The following VSNL1 variants were observed in gnomAD, a reference collection of about 807,000 sequenced individuals.
VSNL1 encodes the protein visinin like 1.
VSNL1 carries 6 observed loss-of-function variants against 20.4 expected under a neutral mutation model. The observed-to-expected ratio is 0.29, with a 90% CI of 0.16 to 0.58. The LOEUF (loss-of-function observed/expected upper bound fraction) is 0.58. Among genes scored for constraint, VSNL1 ranks in the 20% least tolerant of loss-of-function variants. The pLI, the probability that VSNL1 is intolerant of heterozygous loss-of-function variation, is 0.90. For missense variants in VSNL1, 100 were observed against 234.5 expected, an observed-to-expected ratio of 0.43 and a Z score of 3.75; for synonymous variants, 93 against 86.4, an observed-to-expected ratio of 1.08 and a Z score of -0.42.
intron 1 of VSNL1, among the ~76,000 whole-genome samples, chr2:17,587,095 A>G (rs3107288): frequency 0.92 from 139,403 of 152,192 alleles, 64,745 homozygotes; most frequent in East Asian, 1. Flanking sequence ...CTTTGCTCTC[A>G]GCCCTATTTC....
At chr2:17,551,916 A>T (rs1466514168) in intron 1 of VSNL1, among the ~76,000 whole-genome samples, 1 of 149,586 alleles carries the variant, frequency 6.7e-6, no homozygotes, top group Non-Finnish European at 1.5e-5. Context: ...AAAAAAAAAA[A>T]GCCCAGGCGT....
chr2:17,580,949 CA>C (rs1332419730), intron 1 of VSNL1, among the ~76,000 whole-genome samples: 6 of 152,222 alleles, frequency 3.9e-5, no homozygotes, highest in African/African-American at 1.4e-4. Flanking sequence ...ATTATACCAC[CA>C]GCAGTTATAA....
intron 1 of VSNL1, among the ~76,000 whole-genome samples, chr2:17,549,264 G>C (rs767063570): frequency 1.4e-4 from 21 of 152,316 alleles, no homozygotes; most frequent in Non-Finnish European, 2.2e-4. Flanking sequence ...ATCAGGTTTA[G>C]CCTATCAGAA....
chr2:17,570,273 A>G (rs2103355509), intron 1 of VSNL1, among the ~76,000 whole-genome samples: 1 of 152,352 alleles, frequency 6.6e-6, no homozygotes, highest in African/African-American at 2.4e-5. Flanking sequence ...GTAGGGTAGA[A>G]TAAAGATTAA....
intron 2 of VSNL1, among the ~76,000 whole-genome samples, chr2:17,592,989 A>G (rs562535933): frequency 6.6e-6 from 1 of 152,310 alleles, no homozygotes; most frequent in South Asian, 2.1e-4. Flanking sequence ...TACACAAGTG[A>G]AAGAAATACA....
At chr2:17,642,309 C>CTTTTTTTTTTCTTTTTTTTTTTT (rs1665898137) in intron 2 of VSNL1, among the ~76,000 whole-genome samples, 1 of 93,194 alleles carries the variant, frequency 1.1e-5, no homozygotes, top group African/African-American at 3.8e-5. Flanking sequence ...GTGAGCATTC[C>CTTTTTTTTTTCTTTTTTTTTTTT]TTTTTTTTTT....
chr2:17,545,255 CG>C (rs746633850), intron 1 of VSNL1, among the ~76,000 whole-genome samples: 6 of 151,686 alleles, frequency 4.0e-5, no homozygotes, highest in Non-Finnish European at 5.9e-5. Context: ...TTGTTAGTAA[CG>C]AAAAAAACTA....
intron 2 of VSNL1, among the ~76,000 whole-genome samples, chr2:17,613,355 A>G (rs923844243): frequency 6.6e-6 from 1 of 152,232 alleles, no homozygotes; most frequent in African/African-American, 2.4e-5. Flanking sequence ...AAGTACAGTG[A>G]AATTCCTGGA....
chr2:17,618,304 C>T (rs1191106714), intron 2 of VSNL1, among the ~76,000 whole-genome samples: 1 of 152,180 alleles, frequency 6.6e-6, no homozygotes, highest in South Asian at 2.1e-4. Context: ...AGAATCCATT[C>T]CCTTACCTTT....
intron 2 of VSNL1, among the ~76,000 whole-genome samples, chr2:17,611,112 T>C (rs1665073832): frequency 6.6e-6 from 1 of 152,208 alleles, no homozygotes. Flanking sequence ...CAGCAAATGC[T>C]TATGTAGCAT....
intron 2 of VSNL1, among the ~76,000 whole-genome samples, chr2:17,619,292 C>A (rs1665291300): frequency 6.6e-6 from 1 of 152,188 alleles, no homozygotes; most frequent in Admixed American, 6.5e-5. Context: ...AAGTTACCCA[C>A]ATGGTGGAGG....
Position 17,642,309 on chromosome 2 carries a change from C to CTTTTTTTTTTTTTTT in VSNL1, c.163-7098_163-7084dup, listed in dbSNP as rs577471307. On this transcript the variant is annotated intron_variant, in intron 2 of 3. Transcript: ENST00000295156. ...CTGGCTTTTCCCATGGTGAGCATTC[C>CTTTTTTTTTTTTTTT]TTTTTTTTTTTTTTTTTGAGACAGA... 9.8e-4 allele frequency among the ~76,000 whole-genome samples: 91 copies of CTTTTTTTTTTTTTTT among 93,220 alleles called. 11 individuals carry two copies. The highest frequency in any genetic ancestry group is 1.6e-3 in the Non-Finnish European group (70 of 44,236). 61.2% of individuals were successfully genotyped at this position (93,220 alleles called of 152,430 possible).
At chr2:17,542,916 A>C (rs1312403465) in intron 1 of VSNL1, among the ~76,000 whole-genome samples, 2 of 152,224 alleles carry the variant, frequency 1.3e-5, no homozygotes, top group East Asian at 3.8e-4. Context: ...AGAACCATGG[A>C]TGTAGAGAAA....
At chr2:17,567,171 A>T (rs907269855) in intron 1 of VSNL1, among the ~76,000 whole-genome samples, 22 of 152,158 alleles carry the variant, frequency 1.4e-4, no homozygotes, top group African/African-American at 5.1e-4. Flanking sequence ...TATACTAATG[A>T]TAACAGAACT....
intron 2 of VSNL1, among the ~76,000 whole-genome samples, chr2:17,639,779 T>A (rs953913793): frequency 1.3e-5 from 2 of 152,336 alleles, no homozygotes; most frequent in Admixed American, 6.5e-5. Context: ...ACAGCTTTGC[T>A]ACCAGGGTCA....
At chr2:17,608,433 C>T (rs565871874) in intron 2 of VSNL1, among the ~76,000 whole-genome samples, 52 of 152,298 alleles carry the variant, frequency 3.4e-4, no homozygotes, top group Middle Eastern at 6.8e-3. Flanking sequence ...AGCTGGTGCC[C>T]GGAGACATCT....
chr2:17,599,002 G>A (rs1215791738), intron 2 of VSNL1, among the ~76,000 whole-genome samples: 1 of 152,200 alleles, frequency 6.6e-6, no homozygotes, highest in East Asian at 1.9e-4. Context: ...AATGCAGAGG[G>A]AGTCTCCAGT....
chr2:17,592,315 TTA>T, intron 2 of VSNL1, 79 bp downstream of exon 2: 1 of 1,457,764 alleles, frequency 6.9e-7, no homozygotes, highest in South Asian at 1.2e-5. Flanking sequence ...TCACATGGAA[TTA>T]TAACTCTAAG....
At chr2:17,624,711 C>T (rs1204832284) in intron 2 of VSNL1, among the ~76,000 whole-genome samples, 1 of 152,078 alleles carries the variant, frequency 6.6e-6, no homozygotes, top group East Asian at 1.9e-4. Flanking sequence ...GAATCCACTC[C>T]CCTGAAGCCT....
Sources: gnomAD v4.1 joint callset for allele counts (sites outside exome capture counted in the v4.1 genomes callset) on GRCh38, gnomAD v4.1.1 for gene constraint, MANE v1.5 for transcripts, NCBI Gene and HGNC (gene_info 2026-07-23, HGNC 2026-07-21) for gene names.